SYNE2: variants seen among roughly 807,000 people sequenced by gnomAD.
SYNE2 encodes the protein spectrin repeat containing nuclear envelope protein 2.
A neutral mutation model predicts 856.3 loss-of-function variants in SYNE2; 431 were observed. That is an observed-to-expected ratio of 0.50 (90% CI 0.47 to 0.55). The LOEUF is 0.55. Among genes scored for constraint, SYNE2 ranks in the 20% least tolerant of loss-of-function variants. The pLI is 0.00. For synonymous variants in SYNE2, 2,923 were observed against 2,872.3 expected, an observed-to-expected ratio of 1.02 and a Z score of -0.56; for missense variants, 8,129 against 8,023.2, an observed-to-expected ratio of 1.01 and a Z score of -0.50.
intron 1 of SYNE2, among the ~76,000 whole-genome samples, chr14:63,791,498 T>G (rs1887729943): frequency 6.6e-6 from 1 of 152,202 alleles, no homozygotes. Context: ...ATATCTCAAT[T>G]TTTCTCTTTA....
At chr14:63,946,348 A>T (rs545914426) in intron 6 of SYNE2, among the ~76,000 whole-genome samples, 1 of 151,910 alleles carries the variant, frequency 6.6e-6, no homozygotes, top group South Asian at 2.1e-4. Context: ...GAAGCACTTG[A>T]GTCTGGGAGG....
chr14:63,778,743 G>A (rs1210781556), intron 1 of SYNE2, among the ~76,000 whole-genome samples: 1 of 152,026 alleles, frequency 6.6e-6, no homozygotes, highest in Admixed American at 6.6e-5. Flanking sequence ...TCAAACTGCT[G>A]GCCTCAAGTA....
At chr14:63,899,272 G>A (rs1315569183) in intron 1 of SYNE2, among the ~76,000 whole-genome samples, 2 of 152,008 alleles carry the variant, frequency 1.3e-5, no homozygotes, top group African/African-American at 2.4e-5. Context: ...CACGATCTCA[G>A]CTTACTGCAA....
chr14:63,806,853 A>G (rs931134016), intron 1 of SYNE2, among the ~76,000 whole-genome samples: 1 of 143,320 alleles, frequency 7.0e-6, no homozygotes, highest in African/African-American at 2.6e-5. Context: ...TATCAATCCT[A>G]TTTTTCCTTT....
intron 1 of SYNE2, among the ~76,000 whole-genome samples, chr14:63,847,819 C>A (rs1053206183): frequency 2.0e-5 from 3 of 151,982 alleles, no homozygotes; most frequent in Non-Finnish European, 2.9e-5. Context: ...CTCGTGACCT[C>A]AGGTGATCCA....
intron 7 of SYNE2, among the ~76,000 whole-genome samples, chr14:63,952,532 C>T (rs751800071): frequency 3.3e-5 from 5 of 152,204 alleles, no homozygotes; most frequent in Admixed American, 1.3e-4. Context: ...TCAGAGTACC[C>T]GGATTTGAAG....
rs1215406509 is a variant in SYNE2 at position 64,119,465 on chromosome 14, G to A, written c.12879G>A (p.Leu4293=). ...LTEIEHKVAF[L]LETCKDQGLG... is the part of the protein sequence containing the mutation. Reference sequence around the variant, plus strand: ...AGATTGAGCACAAGGTTGCCTTTCTGTTAGAGACTTGCAAAGATCAGGGCC... The same window carrying A: ...AGATTGAGCACAAGGTTGCCTTTCTATTAGAGACTTGCAAAGATCAGGGCC... The change falls in exon 67 of 116, where the codon CTG becomes CTA. Residue 4293 remains leucine, a synonymous_variant. Transcript: ENST00000555002. 4 of 1,614,090 alleles carry A rather than the reference G, an allele frequency of 2.5e-6. No individual in the cohort carries two copies. The highest frequency in any genetic ancestry group is 3.4e-6 in the Non-Finnish European group (4 of 1,180,042).
At position 63,830,364 on chromosome 14, in the gene SYNE2, A is replaced by G. The variant is rs372168623; in HGVS notation, c.-304-22137A>G. On this transcript the variant is annotated intron_variant, in intron 1 of 23. Transcript: ENST00000674003. ...AGTAGCTATTAAATTGTATACTTCA[A>G]AAAAATTAAAAATGGGCCAGACATG... is the stretch of plus-strand genomic sequence containing the variant. 4.1e-3 allele frequency among the ~76,000 whole-genome samples: 623 copies of G among 152,136 alleles called. 6 individuals are homozygous for G. Among genetic ancestry groups the G allele is most frequent in the Middle Eastern group, 0.01 (3 of 292 alleles).
chr14:64,126,232 C>T (rs959761031), intron 71 of SYNE2, 95 bp from the exon 72 acceptor site: 2 of 1,102,172 alleles, frequency 1.8e-6, no homozygotes, highest in Non-Finnish European at 2.7e-6. Context: ...AGAAGCATAA[C>T]ATAAATCATA....
At chr14:64,198,560 G>T (rs1255404985) in intron 99 of SYNE2, among the ~76,000 whole-genome samples, 2 of 152,194 alleles carry the variant, frequency 1.3e-5, no homozygotes, top group African/African-American at 4.8e-5. Context: ...TCTGGATGGA[G>T]TTTGGGATAT....
chr14:64,037,889 G>A (rs1268973011), intron 45 of SYNE2, among the ~76,000 whole-genome samples: 3 of 150,896 alleles, frequency 2.0e-5, no homozygotes, highest in Non-Finnish European at 4.4e-5. Context: ...GCCGGGCGGG[G>A]GGCTGACCCC....
At chr14:64,109,791 CTAA>C (rs2097793288) in intron 65 of SYNE2, among the ~76,000 whole-genome samples, 1 of 152,184 alleles carries the variant, frequency 6.6e-6, no homozygotes, top group Admixed American at 6.5e-5. Context: ...CAGCACATCA[CTAA>C]TGAGAAGGAA....
chr14:64,130,196 TAAAAC>T lies in SYNE2; in HGVS notation c.14292_14296del (p.Lys4764AsnfsTer4), dbSNP rs754077290. 1.2e-6 allele frequency: 2 copies of T among 1,613,944 alleles called. No homozygotes were observed. The highest frequency in any genetic ancestry group is 8.5e-7 in the Non-Finnish European group (1 of 1,179,956). On this transcript the variant is annotated frameshift_variant, in exon 76 of 116. Coordinates refer to ENST00000555002, the MANE Select transcript of SYNE2 (RefSeq NM_182914.3). LOFTEE classifies it high-confidence loss of function. The stretch of plus-strand genomic sequence containing the variant: ...AAGGAAAAGCTTGCTCATGGCCACT[TAAAAC>T]AAACCAAAAGTAAAGTGGCGTTACA...
At chr14:64,139,405 A>ATT in intron 79 of SYNE2, among the ~76,000 whole-genome samples, 1 of 150,338 alleles carries the variant, frequency 6.7e-6, no homozygotes, top group South Asian at 2.1e-4. Flanking sequence ...CTTCCTCATT[A>ATT]TTATTATTAT....
At chr14:64,041,379 A>C (rs1373982264) in intron 45 of SYNE2, among the ~76,000 whole-genome samples, 1 of 152,228 alleles carries the variant, frequency 6.6e-6, no homozygotes, top group Admixed American at 6.5e-5. Context: ...GACATCATAC[A>C]CAAAATTTAA....
chr14:64,209,566 G>C lies in SYNE2; in HGVS notation c.18528G>C (p.Leu6176=), dbSNP rs747897360. ...EVLYTSAKEE[L]KRFEAFQRQI... ...TGTACACGAGTGCCAAAGAGGAACT[G>C]AAGAGGTTTGAGGTAAACACCTTCT... Residue 6176 remains leucine, a synonymous_variant, in exon 102 of 116, where the codon CTG becomes CTC. Transcript: ENST00000555002. 4 of 1,614,058 alleles carry C rather than the reference G, an allele frequency of 2.5e-6. No individual in the cohort carries two copies. Among genetic ancestry groups the C allele is most frequent in the South Asian group, 1.1e-5 (1 of 91,088 alleles).
At chr14:63,999,247 G>C (rs578083644) in intron 27 of SYNE2, among the ~76,000 whole-genome samples, 1 of 152,120 alleles carries the variant, frequency 6.6e-6, no homozygotes, top group Admixed American at 6.5e-5. Flanking sequence ...TTTGGTTTAG[G>C]GTCTTAATTT....
intron 1 of SYNE2, among the ~76,000 whole-genome samples, chr14:63,840,939 G>A (rs368216976): frequency 2.0e-5 from 3 of 152,180 alleles, no homozygotes; most frequent in African/African-American, 2.4e-5. Context: ...GCTTGAACCC[G>A]GGAGGCAGAG....
rs772769879 is a variant in SYNE2, at chr14:64,165,400, A to T, written c.16595A>T (p.Asp5532Val). The change falls in exon 90 of 116, where the codon GAC (aspartate) becomes GTC (valine). Residue 5532 changes from aspartate to valine, a missense_variant. Physicochemically the swap from Asp to Val is radical, Grantham distance 152 (BLOSUM62 -3). Coordinates refer to ENST00000555002, the MANE Select transcript of SYNE2 (RefSeq NM_182914.3). Reference sequence around the variant, plus strand: ...CACCAACAGGAAAAAGAAAATCCTGACTCATTCCTGGTATTGCCAATATTT... The same window carrying T: ...CACCAACAGGAAAAAGAAAATCCTGTCTCATTCCTGGTATTGCCAATATTT... ...RLHQQEKENP[D>V]SFLNHVLALT... 11 of 1,613,668 alleles carry T rather than the reference A, an allele frequency of 6.8e-6. No homozygotes were observed. Among genetic ancestry groups the T allele is most frequent in the African/African-American group, 1.3e-5 (1 of 74,950 alleles).
Sources: allele counts gnomAD v4.1 joint callset (sites outside exome capture counted in the v4.1 genomes callset), GRCh38; gene constraint gnomAD v4.1.1; transcripts MANE v1.5; gene names NCBI Gene and HGNC (gene_info 2026-07-23, HGNC 2026-07-21).